TSPAN9: variants seen among roughly 807,000 people sequenced by gnomAD.
TSPAN9 encodes the protein tetraspanin-9.
Under a neutral mutation model 31.0 loss-of-function variants are expected in TSPAN9, and 16 were observed. The ratio of observed to expected loss-of-function variants is 0.52; its 90% CI spans 0.35 to 0.78. TSPAN9 has a LOEUF of 0.78. Ranked by LOEUF, TSPAN9 falls within the 30% of genes least tolerant of loss-of-function variation. TSPAN9 has a pLI of 0.01. For synonymous variants in TSPAN9, 145 were observed against 121.6 expected (o/e 1.19, Z -1.27); for missense variants, 272 against 312.5 (o/e 0.87, Z 0.98).
intron 1 of TSPAN9, among the ~76,000 whole-genome samples, chr12:3,083,087 A>G (rs2098298704): frequency 6.6e-6 from 1 of 152,148 alleles, no homozygotes; most frequent in East Asian, 1.9e-4. Context: ...CTGCCCTTTC[A>G]GTTTCTGCTG....
intron 2 of TSPAN9, among the ~76,000 whole-genome samples, chr12:3,112,776 G>T (rs2098319811): frequency 7.2e-6 from 1 of 138,162 alleles, no homozygotes; most frequent in South Asian, 2.3e-4. Context: ...TCGACCTCTT[G>T]GGCTCAAGTG....
chr12:3,261,666 T>C (rs1862451602), intron 3 of TSPAN9, among the ~76,000 whole-genome samples: 1 of 152,184 alleles, frequency 6.6e-6, no homozygotes, highest in Non-Finnish European at 1.5e-5. Context: ...AGCAGGGAGT[T>C]TCGGGCATTT....
At chr12:3,278,286 G>T in intron 3 of TSPAN9, 135 bp from the exon 4 acceptor site, 1 of 1,276,502 alleles carries the variant, frequency 7.8e-7, no homozygotes, top group East Asian at 2.4e-5. Context: ...GCAGCCCAAC[G>T]GTAGTCCCGT....
Position 3,281,759 on chromosome 12 carries a change from G to A in TSPAN9, c.590G>A (p.Trp197Ter). 6.2e-7 allele frequency: 1 copy of A among 1,613,966 alleles called. No individual in the cohort carries two copies. The change falls in exon 8 of 9, where the codon TGG becomes TAG. Residue 197 changes from tryptophan to a stop codon, truncating the protein, a stop_gained. Coordinates refer to ENST00000011898, the MANE Select transcript of TSPAN9 (RefSeq NM_006675.5). LOFTEE classifies it high-confidence loss of function. The part of the protein sequence containing the change: ...RTGCYEKVKM[W>*]FDDNKHVLGT... The stretch of plus-strand genomic sequence containing the variant: ...GGCTGCTATGAAAAGGTGAAGATGT[G>A]GTTCGATGACAATAAGCACGTGCTG...
intron 3 of TSPAN9, among the ~76,000 whole-genome samples, chr12:3,246,465 C>G (rs1233666218): frequency 2.0e-5 from 3 of 152,162 alleles, no homozygotes; most frequent in Admixed American, 6.5e-5. Flanking sequence ...GCAGAAGGCC[C>G]TGAACACTGT....
intron 3 of TSPAN9, among the ~76,000 whole-genome samples, chr12:3,269,840 A>T (rs1862640104): frequency 6.6e-6 from 1 of 152,128 alleles, no homozygotes; most frequent in Admixed American, 6.5e-5. Context: ...TCTGTCTGGG[A>T]AGAGCCCCTG....
intron 2 of TSPAN9, among the ~76,000 whole-genome samples, chr12:3,166,528 A>G (rs1176429919): frequency 6.6e-6 from 1 of 152,252 alleles, no homozygotes; most frequent in Non-Finnish European, 1.5e-5. Flanking sequence ...TTGTCCTTTT[A>G]TATGAAAGGG....
In TSPAN9 at chr12:3,118,892, C is replaced by T. The variant is rs766902225; in HGVS notation, c.-18+35173C>T. 7.9e-5 allele frequency among the ~76,000 whole-genome samples: 12 copies of T among 152,294 alleles called. No homozygotes were observed. The South Asian group carries it at 8.3e-4, about 11-fold the overall frequency. On this transcript the variant is annotated intron_variant, in intron 2 of 8. Coordinates refer to ENST00000011898, the MANE Select transcript of TSPAN9 (RefSeq NM_006675.5). ...GTCAGGTGACATGTTAAGCCTGGCA[C>T]GCAGGTTGCAAAGACAGGCAGGACT... is the stretch of plus-strand genomic sequence containing the variant.
intron 2 of TSPAN9, among the ~76,000 whole-genome samples, chr12:3,133,609 A>G (rs897620075): frequency 1.3e-5 from 2 of 152,142 alleles, no homozygotes; most frequent in African/African-American, 2.4e-5. Context: ...CAGCAGGCTG[A>G]GTGTACCAAA....
intron 2 of TSPAN9, among the ~76,000 whole-genome samples, chr12:3,149,624 G>A (rs532260680): frequency 5.8e-4 from 89 of 152,232 alleles, no homozygotes; most frequent in African/African-American, 2.1e-3. Context: ...AGGCCCTAGG[G>A]GAGAGGCACT....
chr12:3,218,158 G>A (rs12426678), intron 3 of TSPAN9, among the ~76,000 whole-genome samples: 46,258 of 151,928 alleles, frequency 0.3, 7,198 homozygotes, highest in Admixed American at 0.32. Context: ...CATTTTTTCT[G>A]TGGGCCCTGG....
At chr12:3,275,906 C>T (rs1862776584) in intron 3 of TSPAN9, among the ~76,000 whole-genome samples, 1 of 152,258 alleles carries the variant, frequency 6.6e-6, no homozygotes, top group Non-Finnish European at 1.5e-5. Flanking sequence ...TCTTCATGCA[C>T]ACCTTTCTGG....
chr12:3,242,949 C>T (rs1443912044), intron 3 of TSPAN9, among the ~76,000 whole-genome samples: 1 of 152,224 alleles, frequency 6.6e-6, no homozygotes, highest in Admixed American at 6.5e-5. Flanking sequence ...CATAGAGGGA[C>T]CCTGTGGCAG....
chr12:3,222,117 C>A (rs1348928299), intron 3 of TSPAN9, among the ~76,000 whole-genome samples: 2 of 152,218 alleles, frequency 1.3e-5, no homozygotes, highest in Non-Finnish European at 2.9e-5. Flanking sequence ...CTCTAACTGT[C>A]TTTTCCTGAA....
At chr12:3,194,218 T>C (rs536003886) in intron 2 of TSPAN9, among the ~76,000 whole-genome samples, 91 of 152,236 alleles carry the variant, frequency 6.0e-4, no homozygotes, top group African/African-American at 1.8e-3. Flanking sequence ...TGCTTTCTTA[T>C]AGAAGCTCAG....
At chr12:3,238,919 C>T (rs982975630) in intron 3 of TSPAN9, among the ~76,000 whole-genome samples, 1 of 152,088 alleles carries the variant, frequency 6.6e-6, no homozygotes, top group East Asian at 1.9e-4. Flanking sequence ...TTCATGTTCT[C>T]TCTGGTTTCC....
At chr12:3,230,220 C>T (rs923364127) in intron 3 of TSPAN9, among the ~76,000 whole-genome samples, 4 of 152,136 alleles carry the variant, frequency 2.6e-5, no homozygotes, top group African/African-American at 4.8e-5. Context: ...CTTGGAAGGC[C>T]GGTGCCGGTT....
At chr12:3,115,875 A>G (rs1406655920) in intron 2 of TSPAN9, among the ~76,000 whole-genome samples, 1 of 152,230 alleles carries the variant, frequency 6.6e-6, no homozygotes, top group Non-Finnish European at 1.5e-5. Context: ...ACTGTTTTCC[A>G]AAGCAGCTGT....
intron 3 of TSPAN9, among the ~76,000 whole-genome samples, chr12:3,261,882 C>T (rs925877582): frequency 1.3e-5 from 2 of 152,204 alleles, no homozygotes; most frequent in African/African-American, 4.8e-5. Context: ...TGCCCTTCCC[C>T]CAAGGATGCT....
Sources: allele counts gnomAD v4.1 joint callset (sites outside exome capture counted in the v4.1 genomes callset), GRCh38; gene constraint gnomAD v4.1.1; transcripts MANE v1.5; gene names NCBI Gene and HGNC (gene_info 2026-07-23, HGNC 2026-07-21).